The following APELA variants were observed in gnomAD, a reference collection of about 807,000 sequenced individuals.
The protein encoded by APELA is protein Elabela.
At chr4:164,898,016 G>A (rs561943441), downstream of APELA, among the ~76,000 whole-genome samples, 492 of 152,068 alleles carry the variant, frequency 3.2e-3, 4 homozygotes, top group Non-Finnish European at 4.0e-3. Context: ...TCAGCCTCCC[G>A]AGCAGCTGGG....
chr4:164,893,159 C>T (rs1730912746), intron 2 of APELA, among the ~76,000 whole-genome samples: 1 of 152,064 alleles, frequency 6.6e-6, no homozygotes, highest in Non-Finnish European at 1.5e-5. Flanking sequence ...GTTTTGTTTG[C>T]TCTTCCATGT....
intron 2 of APELA, among the ~76,000 whole-genome samples, chr4:164,880,258 CG>C: frequency 6.6e-6 from 1 of 152,178 alleles, no homozygotes; most frequent in African/African-American, 2.4e-5. Context: ...TTTCCAAACC[CG>C]GGGAAAGCCC....
intron 2 of APELA, among the ~76,000 whole-genome samples, chr4:164,889,266 T>C (rs892137444): frequency 2.6e-5 from 4 of 152,166 alleles, no homozygotes; most frequent in African/African-American, 9.7e-5. Flanking sequence ...TGCTGGAGTT[T>C]AGTTCAATTT....
chr4:164,885,816 T>A (rs1730759425), intron 2 of APELA, among the ~76,000 whole-genome samples: 1 of 152,202 alleles, frequency 6.6e-6, no homozygotes. Flanking sequence ...TAAGACTTGT[T>A]CTCACTAGAC....
intron 2 of APELA, among the ~76,000 whole-genome samples, chr4:164,890,112 ATATTTATTTATGC>A (rs1217578267): frequency 6.6e-6 from 1 of 152,160 alleles, no homozygotes; most frequent in African/African-American, 2.4e-5. Flanking sequence ...ATGTTTTGTA[ATATTTATTTATGC>A]TATTTTGAAC....
intron 2 of APELA, among the ~76,000 whole-genome samples, chr4:164,893,346 T>A (rs1730915950): frequency 6.6e-6 from 1 of 152,180 alleles, no homozygotes; most frequent in African/African-American, 2.4e-5. Context: ...TTTGAGTTAC[T>A]GGTTGTTTAG....
At chr4:164,887,099 A>G (rs1301526926) in intron 2 of APELA, among the ~76,000 whole-genome samples, 1 of 152,188 alleles carries the variant, frequency 6.6e-6, no homozygotes, top group African/African-American at 2.4e-5. Flanking sequence ...AAGTGCTGGG[A>G]TTACAGGCAT....
chr4:164,879,297 A>G (rs958377663), intron 2 of APELA: 6 of 256,188 alleles, frequency 2.3e-5, no homozygotes, highest in African/African-American at 1.3e-4. Context: ...TGCGGATGTT[A>G]TGCAGAACGA....
chr4:164,877,795 T>G (rs1382274075), intron 1 of APELA, among the ~76,000 whole-genome samples: 2 of 152,194 alleles, frequency 1.3e-5, no homozygotes, highest in African/African-American at 4.8e-5. Flanking sequence ...TTAAAAAGTA[T>G]GTTGCTGCCC....
rs761726214 is a variant in APELA at position 164,895,760 on chromosome 4, T to C, written c.*346T>C. 6.6e-6 allele frequency: 1 copy of C among 152,240 alleles called. No homozygotes were observed. Among genetic ancestry groups the C allele is most frequent in the Non-Finnish European group, 1.5e-5 (1 of 68,044 alleles). 9.4% of individuals were successfully genotyped at this position (152,240 alleles called of 1,614,324 possible). A position where few individuals can be genotyped will look rare whatever the true frequency, so the allele number is the denominator to read the frequency against. ...CTTTTAGTGTTTTAGAACTCTCTCA[T>C]GGTAAAAAGTGCAAGAATTTAAAAT... On this transcript the variant is annotated 3_prime_UTR_variant, in exon 3 of 3. Transcript: ENST00000507152.
At chr4:164,879,259 G>T in intron 2 of APELA, 1 of 326,200 alleles carries the variant, frequency 3.1e-6, no homozygotes. Context: ...TTGAATCTGA[G>T]TAACAGCTAT....
intron 2 of APELA, among the ~76,000 whole-genome samples, chr4:164,888,615 A>G (rs1730823543): frequency 6.6e-6 from 1 of 152,196 alleles, no homozygotes; most frequent in African/African-American, 2.4e-5. Context: ...GTACACTTGT[A>G]CATATTCAGT....
At chr4:164,891,597 G>A (rs559254696) in intron 2 of APELA, among the ~76,000 whole-genome samples, 1 of 152,148 alleles carries the variant, frequency 6.6e-6, no homozygotes, top group South Asian at 2.1e-4. Flanking sequence ...ATTGTCCATT[G>A]CTAATGTATA....
chr4:164,885,542 A>T (rs771087478), intron 2 of APELA, among the ~76,000 whole-genome samples: 7 of 151,952 alleles, frequency 4.6e-5, no homozygotes, highest in Non-Finnish European at 8.8e-5. Context: ...GGAGTTCGAG[A>T]CCAGCCTGAC....
rs1377892330 is a variant in APELA at position 164,896,623 on chromosome 4, A to G, written c.*1209A>G. 1.3e-5 allele frequency: 2 copies of G among 152,120 alleles called. No homozygotes were observed. Among genetic ancestry groups the G allele is most frequent in the African/African-American group, 4.8e-5 (2 of 41,424 alleles). 9.4% of individuals were successfully genotyped at this position (152,120 alleles called of 1,614,324 possible). ...AGGAATTTAGGGATATGATTACTCAAAAAAGAAACTATCCTGTCTAAATTT... is the reference window on the plus strand; with the variant it reads ...AGGAATTTAGGGATATGATTACTCAGAAAAGAAACTATCCTGTCTAAATTT... On this transcript the variant is annotated 3_prime_UTR_variant, in exon 3 of 3. Transcript: ENST00000507152.
chr4:164,888,858 C>T (rs867089755), intron 2 of APELA, among the ~76,000 whole-genome samples: 11 of 152,186 alleles, frequency 7.2e-5, no homozygotes, highest in African/African-American at 1.7e-4. Context: ...TGTCATGTTC[C>T]TTACCACTTC....
chr4:164,882,180 C>T (rs186337919), intron 2 of APELA, among the ~76,000 whole-genome samples: 14 of 152,154 alleles, frequency 9.2e-5, no homozygotes, highest in Admixed American at 2.0e-4. Context: ...CTCGGCTCAC[C>T]GGAGCCTCCA....
chr4:164,884,954 A>G (rs1730739667), intron 2 of APELA, among the ~76,000 whole-genome samples: 2 of 152,138 alleles, frequency 1.3e-5, no homozygotes, highest in Admixed American at 1.3e-4. Context: ...CTCTCAGAGC[A>G]CTAGTTACAT....
intron 2 of APELA, among the ~76,000 whole-genome samples, chr4:164,890,710 G>T (rs1322026019): frequency 6.6e-6 from 1 of 152,186 alleles, no homozygotes; most frequent in African/African-American, 2.4e-5. Context: ...GAACATTAGT[G>T]TATAAGTTTT....
Sources: gnomAD v4.1 joint callset for allele counts (sites outside exome capture counted in the v4.1 genomes callset) on GRCh38, gnomAD v4.1.1 for gene constraint, MANE v1.5 for transcripts, NCBI Gene and HGNC (gene_info 2026-07-23, HGNC 2026-07-21) for gene names.